Variants in ROBO2 observed in about 807,000 individuals in gnomAD.
ROBO2 encodes roundabout homolog 2.
A neutral mutation model predicts 160.8 loss-of-function variants in ROBO2; 53 were observed. That is an observed-to-expected ratio of 0.33 (90% CI 0.26 to 0.41). ROBO2 has a LOEUF of 0.41. Among genes scored for constraint, ROBO2 ranks in the 10% least tolerant of loss-of-function variants. ROBO2 has a pLI of 1.00. For missense variants in ROBO2, 1,577 were observed against 1,722.4 expected (o/e 0.92, Z 1.49); for synonymous variants, 664 against 611.7 (o/e 1.09, Z -1.26).
chr3:76,128,473 A>G (rs946595360), intron 2 of ROBO2, among the ~76,000 whole-genome samples: 1 of 152,140 alleles, frequency 6.6e-6, no homozygotes, highest in Non-Finnish European at 1.5e-5. Context: ...TTCTGATTCA[A>G]AAGCTACTTT....
At chr3:76,342,792 C>T (rs1028237767) in intron 2 of ROBO2, among the ~76,000 whole-genome samples, 6 of 151,972 alleles carry the variant, frequency 3.9e-5, no homozygotes, top group African/African-American at 1.2e-4. Flanking sequence ...ATTAGAGGCC[C>T]ACTTAATAGT....
At chr3:77,131,572 T>A (rs1344333196) in intron 2 of ROBO2, among the ~76,000 whole-genome samples, 1 of 152,142 alleles carries the variant, frequency 6.6e-6, no homozygotes, top group African/African-American at 2.4e-5. Context: ...ATATTAAACC[T>A]GCCAGTAACA....
chr3:77,501,369 T>C (rs535677613), intron 5 of ROBO2, among the ~76,000 whole-genome samples: 51 of 152,352 alleles, frequency 3.3e-4, no homozygotes, highest in Non-Finnish European at 5.9e-4. Flanking sequence ...CAAGACAATT[T>C]GTGGTTAGAA....
chr3:76,304,308 A>C (rs889629253), intron 2 of ROBO2, among the ~76,000 whole-genome samples: 2 of 152,230 alleles, frequency 1.3e-5, no homozygotes, highest in Non-Finnish European at 2.9e-5. Flanking sequence ...AAAAACAAAG[A>C]ATTAAAGTGT....
intron 1 of ROBO2, among the ~76,000 whole-genome samples, chr3:77,057,896 C>G (rs114946246): frequency 1.3e-5 from 2 of 151,788 alleles, no homozygotes. Flanking sequence ...ATGTGGCTGA[C>G]GGGTTGATAG....
chr3:77,317,583 C>T (rs2064136054), intron 2 of ROBO2: 5 of 1,274,832 alleles, frequency 3.9e-6, no homozygotes, highest in Non-Finnish European at 4.3e-6. Flanking sequence ...TTGCCAAGAT[C>T]GGCATACGTG....
At chr3:76,575,630 T>C (rs1039364950) in intron 2 of ROBO2, among the ~76,000 whole-genome samples, 1 of 152,100 alleles carries the variant, frequency 6.6e-6, no homozygotes, top group Non-Finnish European at 1.5e-5. Flanking sequence ...TTGTTCTCTA[T>C]AGAAAGACAA....
intron 2 of ROBO2, among the ~76,000 whole-genome samples, chr3:76,816,237 G>A (rs983262037): frequency 1.3e-5 from 2 of 152,068 alleles, no homozygotes; most frequent in African/African-American, 4.8e-5. Context: ...GCCACGTGTG[G>A]ATCGGACGTT....
At chr3:77,401,014 G>A (rs1193747258) in intron 2 of ROBO2, among the ~76,000 whole-genome samples, 1 of 151,448 alleles carries the variant, frequency 6.6e-6, no homozygotes, top group East Asian at 1.9e-4. Flanking sequence ...AAAAACATAG[G>A]GTTGTGTGGC....
chr3:76,362,454 G>C (rs1029443252), intron 2 of ROBO2, among the ~76,000 whole-genome samples: 1 of 152,042 alleles, frequency 6.6e-6, no homozygotes, highest in African/African-American at 2.4e-5. Flanking sequence ...ACTGTAAACA[G>C]TATTTTATTA....
chr3:75,914,211 A>G (rs1328358303), intron 1 of ROBO2, among the ~76,000 whole-genome samples: 3 of 152,180 alleles, frequency 2.0e-5, no homozygotes, highest in Admixed American at 6.5e-5. Flanking sequence ...CATTTGTCAA[A>G]ATGAAGCCAT....
chr3:76,229,645 C>G (rs954893779), intron 2 of ROBO2, among the ~76,000 whole-genome samples: 1 of 152,116 alleles, frequency 6.6e-6, no homozygotes, highest in Non-Finnish European at 1.5e-5. Flanking sequence ...ATATTCACAT[C>G]AGGAACAGCA....
At chr3:77,487,148 G>C (rs149831205) in intron 4 of ROBO2, among the ~76,000 whole-genome samples, 1 of 152,184 alleles carries the variant, frequency 6.6e-6, no homozygotes, top group African/African-American at 2.4e-5. Flanking sequence ...AAGATCCTTA[G>C]GACCCACACC....
intron 2 of ROBO2, among the ~76,000 whole-genome samples, chr3:76,465,097 A>G (rs1559992264): frequency 6.6e-6 from 1 of 152,142 alleles, no homozygotes; most frequent in South Asian, 2.1e-4. Flanking sequence ...GAATAACTCA[A>G]GAAATATTTA....
intron 2 of ROBO2, among the ~76,000 whole-genome samples, chr3:76,487,988 T>A (rs2079591970): frequency 6.6e-6 from 1 of 152,156 alleles, no homozygotes; most frequent in African/African-American, 2.4e-5. Context: ...ACCTTTGCCA[T>A]ATTCTACCAT....
chr3:76,214,263 C>T (rs1375399446), intron 2 of ROBO2, among the ~76,000 whole-genome samples: 2 of 152,144 alleles, frequency 1.3e-5, no homozygotes, highest in Non-Finnish European at 2.9e-5. Context: ...AGCTAAAGTC[C>T]TAGCTGTGAT....
At chr3:76,506,457 T>C (rs1161402646) in intron 2 of ROBO2, among the ~76,000 whole-genome samples, 2 of 152,184 alleles carry the variant, frequency 1.3e-5, no homozygotes, top group Non-Finnish European at 2.9e-5. Context: ...GGATATTAAT[T>C]TGTGCTGTTT....
At position 76,803,981 on chromosome 3, in the gene ROBO2, G is replaced by T. The variant is rs180780680; in HGVS notation, c.110-294033G>T. ...ATTTTCTGTTCACACTTACATGGCT[G>T]GGCAAGCAGAGTGATGAACTAATAT... On this transcript the variant is annotated intron_variant, in intron 2 of 26. Transcript: ENST00000487694. Among the ~76,000 whole-genome samples the T allele has an allele frequency of 3.9e-5, 6 of 152,284 alleles. No homozygotes were observed. In the East Asian group the frequency reaches 1.2e-3, roughly 29 times the overall value.
At chr3:76,741,046 A>C (rs2108035185) in intron 2 of ROBO2, among the ~76,000 whole-genome samples, 1 of 152,216 alleles carries the variant, frequency 6.6e-6, no homozygotes, top group East Asian at 1.9e-4. Flanking sequence ...TCTGATGTTT[A>C]CTATAATCTT....
Sources: gnomAD v4.1 joint callset for allele counts (sites outside exome capture counted in the v4.1 genomes callset) on GRCh38, gnomAD v4.1.1 for gene constraint, MANE v1.5 for transcripts, NCBI Gene and HGNC (gene_info 2026-07-23, HGNC 2026-07-21) for gene names.